The following ACSS3 variants were observed in gnomAD, a reference collection of about 807,000 sequenced individuals.
The protein encoded by ACSS3 is acyl-CoA synthetase short chain family member 3, also known as acyl-CoA synthetase short-chain family member 3, mitochondrial.
A neutral mutation model predicts 84.2 loss-of-function variants in ACSS3; 64 were observed. That is an observed-to-expected ratio of 0.76 (90% CI 0.62 to 0.94). ACSS3 has a LOEUF of 0.94. Ranked by LOEUF, ACSS3 falls within the 40% of genes least tolerant of loss-of-function variation. The pLI, the probability that ACSS3 is intolerant of heterozygous loss-of-function variation, is 0.00. For synonymous variants in ACSS3, 317 were observed against 310.1 expected, an observed-to-expected ratio of 1.02 and a Z score of -0.23; for missense variants, 815 against 867.6, an observed-to-expected ratio of 0.94 and a Z score of 0.76.
chr12:81,200,627 C>T (rs9888332), intron 9 of ACSS3, among the ~76,000 whole-genome samples: 97,073 of 151,890 alleles, frequency 0.64, 31,847 homozygotes, highest in Non-Finnish European at 0.72. Context: ...CGGTGGCTCA[C>T]GCCTATAATT....
intron 8 of ACSS3, among the ~76,000 whole-genome samples, chr12:81,184,062 C>G (rs921391943): frequency 1.3e-5 from 2 of 151,854 alleles, no homozygotes; most frequent in African/African-American, 4.8e-5. Context: ...CCCTAACAAA[C>G]TTAATAAGAT....
chr12:81,087,467 A>G (rs1250755293), intron 1 of ACSS3, among the ~76,000 whole-genome samples: 1 of 152,030 alleles, frequency 6.6e-6, no homozygotes, highest in Admixed American at 6.6e-5. Context: ...AAGGAGGAAG[A>G]AAAAGAATGC....
intron 9 of ACSS3, among the ~76,000 whole-genome samples, chr12:81,203,343 C>T (rs1247192074): frequency 6.6e-6 from 1 of 152,172 alleles, no homozygotes; most frequent in Non-Finnish European, 1.5e-5. Flanking sequence ...ATATTAGTCT[C>T]TTCTGGAAAC....
In ACSS3 at chr12:81,167,977, G is replaced by A. The variant is rs138573536; in HGVS notation, c.1099-6811G>A. ...ATAGTGAAGAGGGATTGTCAAAATA[G>A]CAAACTGATAGAAAGTATTAATCTG... On this transcript the variant is annotated intron_variant, in intron 7 of 15. Coordinates refer to ENST00000548058, the MANE Select transcript of ACSS3 (RefSeq NM_024560.4). 2.1e-3 allele frequency among the ~76,000 whole-genome samples: 323 copies of A among 152,226 alleles called. 1 individual carries two copies. Among genetic ancestry groups the A allele is most frequent in the African/African-American group, 7.1e-3 (295 of 41,542 alleles).
intron 9 of ACSS3, among the ~76,000 whole-genome samples, chr12:81,213,957 C>CCCTTTCTTTCTTTCTT (rs1555181708): frequency 2.0e-5 from 1 of 49,112 alleles, no homozygotes; most frequent in East Asian, 4.4e-4. Flanking sequence ...CTCCCTCTCT[C>CCCTTTCTTTCTTTCTT]TCTTTCTTTC....
intron 9 of ACSS3, among the ~76,000 whole-genome samples, chr12:81,202,890 G>A (rs753492656): frequency 1.3e-5 from 2 of 152,108 alleles, no homozygotes; most frequent in Non-Finnish European, 2.9e-5. Flanking sequence ...TGTTAATCGG[G>A]GTTCTCCAGA....
intron 4 of ACSS3, among the ~76,000 whole-genome samples, chr12:81,139,648 T>A (rs58551748): frequency 0.026 from 2,165 of 83,222 alleles, 48 homozygotes; most frequent in African/African-American, 0.066. Flanking sequence ...TATTGTTATT[T>A]TTTTTTGAGA....
intron 9 of ACSS3, among the ~76,000 whole-genome samples, chr12:81,212,465 T>A (rs2032632919): frequency 1.3e-5 from 2 of 152,242 alleles, no homozygotes; most frequent in Non-Finnish European, 2.9e-5. Flanking sequence ...ATCCTCTGTC[T>A]GTTACTTGAG....
chr12:81,239,272 A>G (rs763998746), intron 13 of ACSS3, among the ~76,000 whole-genome samples: 3 of 151,914 alleles, frequency 2.0e-5, no homozygotes, highest in Non-Finnish European at 4.4e-5. Context: ...ATGGCCCAAA[A>G]TGTAGTCTGT....
At chr12:81,223,534 A>G (rs1239351493) in intron 11 of ACSS3, among the ~76,000 whole-genome samples, 2 of 152,032 alleles carry the variant, frequency 1.3e-5, no homozygotes, top group Non-Finnish European at 2.9e-5. Flanking sequence ...ATATTTTATT[A>G]GCCTTATAAC....
At chr12:81,181,459 A>G (rs2030916505) in intron 8 of ACSS3, among the ~76,000 whole-genome samples, 1 of 152,198 alleles carries the variant, frequency 6.6e-6, no homozygotes, top group Admixed American at 6.5e-5. Context: ...CGCAAGCATT[A>G]ATGTGGGAAT....
chr12:81,217,077 C>T, intron 10 of ACSS3, 81 bp downstream of exon 10: 1 of 1,073,842 alleles, frequency 9.3e-7, no homozygotes, highest in Non-Finnish European at 1.4e-6. Context: ...TTGCATGAAA[C>T]AAACTAGGGG....
intron 11 of ACSS3, among the ~76,000 whole-genome samples, chr12:81,225,640 A>G (rs2135958605): frequency 6.6e-6 from 1 of 152,070 alleles, no homozygotes; most frequent in Admixed American, 6.6e-5. Context: ...TCATTAACTT[A>G]ATGGAGTAGA....
At chr12:81,217,552 A>AT (rs1227002482) in intron 10 of ACSS3, among the ~76,000 whole-genome samples, 1 of 152,196 alleles carries the variant, frequency 6.6e-6, no homozygotes, top group African/African-American at 2.4e-5. Context: ...TTGTTTAATA[A>AT]TAAAAACAGG....
At position 81,174,866 on chromosome 12, in the gene ACSS3, G is replaced by C; in HGVS notation, c.1177G>C (p.Ala393Pro). 6.2e-7 allele frequency: 1 copy of C among 1,613,942 alleles called. No individual in the cohort carries two copies. The highest frequency in any genetic ancestry group is 8.5e-7 in the Non-Finnish European group (1 of 1,179,896). ...AEHGVAALFT[A>P]PTAIRAIRQQ... ...GCATGGAGTAGCTGCCTTGTTTACA[G>C]CACCAACTGCAATTAGAGCAATCCG... The change falls in exon 8 of 16, where the codon GCA becomes CCA. Residue 393 changes from alanine to proline, a missense_variant. Coordinates refer to ENST00000548058, the MANE Select transcript of ACSS3 (RefSeq NM_024560.4).
intron 13 of ACSS3, among the ~76,000 whole-genome samples, chr12:81,237,488 G>A (rs533108206): frequency 4.6e-5 from 7 of 151,372 alleles, no homozygotes; most frequent in South Asian, 4.2e-4. Flanking sequence ...TGGTATCTAG[G>A]GATTGTCTTT....
chr12:81,212,175 C>A (rs1211833622), intron 9 of ACSS3, among the ~76,000 whole-genome samples: 1 of 152,190 alleles, frequency 6.6e-6, no homozygotes, highest in African/African-American at 2.4e-5. Context: ...CTTTTACACA[C>A]CACACATTTT....
chr12:81,171,862 A>G (rs1380959422), intron 7 of ACSS3, among the ~76,000 whole-genome samples: 1 of 152,170 alleles, frequency 6.6e-6, no homozygotes, highest in South Asian at 2.1e-4. Context: ...GCAGGGCTAC[A>G]TGGTATAGTC....
intron 1 of ACSS3, among the ~76,000 whole-genome samples, chr12:81,092,842 A>T (rs1186247766): frequency 6.6e-6 from 1 of 152,288 alleles, no homozygotes; most frequent in African/African-American, 2.4e-5. Context: ...TATAATAAAG[A>T]TGTACTTCGT....
Sources: allele counts gnomAD v4.1 joint callset (sites outside exome capture counted in the v4.1 genomes callset), GRCh38; gene constraint gnomAD v4.1.1; transcripts MANE v1.5; gene names NCBI Gene and HGNC (gene_info 2026-07-23, HGNC 2026-07-21).